The following CST7 variants were observed in gnomAD, a reference collection of about 807,000 sequenced individuals.
CST7 encodes the protein cystatin-F.
CST7 carries 15 observed loss-of-function variants against 13.1 expected under a neutral mutation model. That is an observed-to-expected ratio of 1.14 (90% CI 0.77 to 1.76). The LOEUF (loss-of-function observed/expected upper bound fraction) is 1.76, where lower values mean the gene tolerates loss of function less well. CST7 is among the 40% of genes most tolerant of loss of function. The probability of loss-of-function intolerance (pLI) is 0.00; values close to 1 mark genes in which losing one functional copy is unlikely to be tolerated. For missense variants in CST7, 193 were observed against 178.8 expected (o/e 1.08, Z -0.45); for synonymous variants, 75 against 66.9 (o/e 1.12, Z -0.59).
chr20:24,950,940 G>C lies in CST7; in HGVS notation c.70+1365G>C, dbSNP rs1391239741. On this transcript the variant is annotated intron_variant, in intron 1 of 3. Transcript: ENST00000480798. ...TCCTGGAGGGGACATGGAGCCAGCTGTCCTAGCGTGTCCTGGGATCTAATT... is the reference window on the plus strand; with the variant it reads ...TCCTGGAGGGGACATGGAGCCAGCTCTCCTAGCGTGTCCTGGGATCTAATT... Among the ~76,000 whole-genome samples the C allele has an allele frequency of 3.9e-5, 6 of 152,312 alleles. No homozygotes were observed. In the East Asian group the frequency reaches 1.2e-3, roughly 29 times the overall value.
intron 1 of CST7, among the ~76,000 whole-genome samples, 194 bp from the exon 2 acceptor site, chr20:24,957,093 G>GGAGAACA (rs2087862532): frequency 1.6e-5 from 1 of 62,356 alleles, no homozygotes. Flanking sequence ...GGCAGGTTAG[G>GGAGAACA]GGTGGGTAGG....
At position 24,949,472 on chromosome 20, in the gene CST7, C is replaced by G. The variant is rs751843132; in HGVS notation, c.-34C>G. ...CTGAGAAGGCACTGCACGGCCACCC[C>G]CAACTGCCCCGCACTGTCCCTACCC... On this transcript the variant is annotated 5_prime_UTR_variant, in exon 1 of 4. Transcript: ENST00000480798. The G allele has an allele frequency of 1.2e-5, 19 of 1,613,890 alleles. No individual in the cohort carries two copies. The highest frequency in any genetic ancestry group is 1.6e-5 in the Non-Finnish European group (19 of 1,179,988).
chr20:24,951,602 T>A (rs2087819358), intron 1 of CST7, among the ~76,000 whole-genome samples: 3 of 152,090 alleles, frequency 2.0e-5, no homozygotes, highest in African/African-American at 7.2e-5. Context: ...CTGCCTCCTC[T>A]GAGAATAAAT....
Position 24,959,625 on chromosome 20 carries a change from T to C in CST7, c.361-10T>C. On this transcript the variant is annotated splice_polypyrimidine_tract_variant and intron_variant, in intron 3 of 3. Coordinates refer to ENST00000480798, the MANE Select transcript of CST7 (RefSeq NM_003650.4). ...GTCTAAGCTCTCAGGTGTGCCCTTC[T>C]CTGTTTCAGACTCTGAGCTGCTACT... 1 of 1,614,048 alleles carries C rather than the reference T, an allele frequency of 6.2e-7. No individual in the cohort carries two copies. Among genetic ancestry groups the C allele is most frequent in the Middle Eastern group, 1.6e-4 (1 of 6,062 alleles).
intron 3 of CST7, among the ~76,000 whole-genome samples, 178 bp from the exon 4 acceptor site, chr20:24,959,457 C>G (rs1364839157): frequency 6.6e-6 from 1 of 152,134 alleles, no homozygotes; most frequent in East Asian, 1.9e-4. Flanking sequence ...TTAGCAATTA[C>G]AGAGGTGAAA....
intron 1 of CST7, among the ~76,000 whole-genome samples, chr20:24,952,823 C>T (rs964201562): frequency 1.3e-5 from 2 of 152,194 alleles, no homozygotes; most frequent in African/African-American, 4.8e-5. Context: ...CAGGGGCTTC[C>T]CAACCTCCCG....
Position 24,949,406 on chromosome 20 carries a change from G to A in CST7, c.-100G>A, listed in dbSNP as rs199551132. ...CTGCGCCATCTACCCAAGAAGGCTC[G>A]GCACGGGCACCAACCACTGCCTCCA... On this transcript the variant is annotated 5_prime_UTR_variant, in exon 1 of 4. Transcript: ENST00000480798. 4.9e-4 allele frequency: 782 copies of A among 1,604,190 alleles called. 1 individual carries two copies. Among genetic ancestry groups the A allele is most frequent in the African/African-American group, 2.2e-3 (166 of 74,790 alleles).
intron 1 of CST7, among the ~76,000 whole-genome samples, chr20:24,956,029 T>G (rs2087851767): frequency 6.6e-6 from 1 of 152,194 alleles, no homozygotes; most frequent in Admixed American, 6.5e-5. Context: ...GACAGCCATT[T>G]GCCAGGTGGC....
Position 24,958,865 on chromosome 20 carries a change from C to G in CST7, c.244-63C>G, listed in dbSNP as rs201526463. The G allele has an allele frequency of 2.0e-3, 2,495 of 1,222,478 alleles. 3 individuals are homozygous for G. The highest frequency in any genetic ancestry group is 2.8e-3 in the Non-Finnish European group (2,335 of 827,260). 75.7% of individuals were successfully genotyped at this position (1,222,478 alleles called of 1,614,324 possible). A position where few individuals can be genotyped will look rare whatever the true frequency, so the allele number is the denominator to read the frequency against. On this transcript the variant is annotated intron_variant, in intron 2 of 3. Coordinates refer to ENST00000480798, the MANE Select transcript of CST7 (RefSeq NM_003650.4). ...CACCACTGTCTTGAGGCCCTGCTTC[C>G]TAGTGGAGAAGCCTGCCCTCCCTCC...
At chr20:24,952,654 G>C (rs988717473) in intron 1 of CST7, among the ~76,000 whole-genome samples, 3 of 152,184 alleles carry the variant, frequency 2.0e-5, no homozygotes, top group Non-Finnish European at 4.4e-5. Flanking sequence ...CTGGGTGATG[G>C]GGGCCGATGG....
At chr20:24,951,751 G>A (rs1400884222) in intron 1 of CST7, among the ~76,000 whole-genome samples, 1 of 152,148 alleles carries the variant, frequency 6.6e-6, no homozygotes. Flanking sequence ...AGCCCCTCAG[G>A]GCACCTCTCC....
In CST7 at chr20:24,949,561, G is replaced by C. The variant is rs760116553; in HGVS notation, c.56G>C (p.Gly19Ala). The C allele has an allele frequency of 6.2e-7, 1 of 1,614,094 alleles. No homozygotes were observed. The highest frequency in any genetic ancestry group is 8.5e-7 in the Non-Finnish European group (1 of 1,180,010). ...AFCCLVLSTT[G>A]GPSPDTCSQD... ...TGCTGCCTGGTCTTGAGCACCACTG[G>C]GGGCCCTTCCCCAGGTAAGTGGCGT... Residue 19 changes from glycine to alanine, a missense_variant, in exon 1 of 4, where the codon GGG (glycine) becomes GCG (alanine). Gly to Ala is a moderately conservative substitution (Grantham distance 60). Coordinates refer to ENST00000480798, the MANE Select transcript of CST7 (RefSeq NM_003650.4).
At chr20:24,955,289 T>A (rs955400098) in intron 1 of CST7, among the ~76,000 whole-genome samples, 2 of 152,110 alleles carry the variant, frequency 1.3e-5, no homozygotes, top group East Asian at 1.9e-4. Flanking sequence ...ATGGTAACAC[T>A]GCAGGTCCCA....
At position 24,955,906 on chromosome 20, in the gene CST7, G is replaced by C. The variant is rs543892336; in HGVS notation, c.71-1381G>C. 3.0e-3 allele frequency among the ~76,000 whole-genome samples: 455 copies of C among 152,298 alleles called. 1 individual carries two copies. The highest frequency in any genetic ancestry group is 5.0e-3 in the Non-Finnish European group (343 of 68,024). On this transcript the variant is annotated intron_variant, in intron 1 of 3. Transcript: ENST00000480798. ...CTATGGGGTGGGGCACCAGCACTGC[G>C]CTGCTTTTTTGGGATGGAAGGCCAG...
chr20:24,957,547 A>G (rs2087867037), intron 2 of CST7, 88 bp downstream of exon 2: 1 of 1,359,144 alleles, frequency 7.4e-7, no homozygotes, highest in Non-Finnish European at 1.0e-6. Flanking sequence ...CAGGGCGGAT[A>G]TAATGTGAAG....
chr20:24,956,779 G>A (rs907900659), intron 1 of CST7, among the ~76,000 whole-genome samples: 1 of 151,376 alleles, frequency 6.6e-6, no homozygotes, highest in Non-Finnish European at 1.5e-5. Flanking sequence ...TCCATCTACC[G>A]CCCAGAGGGC....
chr20:24,957,440 TC>T lies in CST7; in HGVS notation c.225del (p.Thr76GlnfsTer4). ...ATGTTCTTGTTCAAGGAGTCCCGCA[TC>T]ACAAGGGCCCTAGTTCAGGTAACGG... is the stretch of plus-strand genomic sequence containing the variant. ...NDMFLFKESRITRALVQIVKG... is the reference protein window; with the variant it reads ...NDMFLFKESRXTRALVQIVKG... On this transcript the variant is annotated frameshift_variant, in exon 2 of 4. Transcript: ENST00000480798. LOFTEE classifies it high-confidence loss of function. The T allele has an allele frequency of 1.2e-6, 2 of 1,613,612 alleles. No homozygotes were observed. Among genetic ancestry groups the T allele is most frequent in the Non-Finnish European group, 8.5e-7 (1 of 1,179,722 alleles).
At position 24,949,350 on chromosome 20, in the gene CST7, G is replaced by A; in HGVS notation, c.-156G>A. ...GGCCCGTGCTGCCTGAGAAGGATTG[G>A]CACGGGCACAGACCACTGCCCCCAC... On this transcript the variant is annotated 5_prime_UTR_variant, in exon 1 of 4. Coordinates refer to ENST00000480798, the MANE Select transcript of CST7 (RefSeq NM_003650.4). 6.5e-7 allele frequency: 1 copy of A among 1,548,492 alleles called. No individual in the cohort carries two copies. The highest frequency in any genetic ancestry group is 8.7e-7 in the Non-Finnish European group (1 of 1,145,852).
At chr20:24,955,497 T>A (rs1568805530) in intron 1 of CST7, among the ~76,000 whole-genome samples, 2 of 150,102 alleles carry the variant, frequency 1.3e-5, no homozygotes, top group Admixed American at 6.7e-5. Flanking sequence ...TTGCCCAGGC[T>A]GGAGTGCAGT....
Sources: allele counts gnomAD v4.1 joint callset (sites outside exome capture counted in the v4.1 genomes callset), GRCh38; gene constraint gnomAD v4.1.1; transcripts MANE v1.5; gene names NCBI Gene and HGNC (gene_info 2026-07-23, HGNC 2026-07-21).